The following SNX29 variants were observed in gnomAD, a reference collection of about 807,000 sequenced individuals.
SNX29 encodes sorting nexin-29.
A neutral mutation model predicts 102.1 loss-of-function variants in SNX29; 78 were observed. The observed-to-expected ratio is 0.76, with a 90% CI of 0.64 to 0.92. The LOEUF (loss-of-function observed/expected upper bound fraction) is 0.92, where lower values mean the gene tolerates loss of function less well. SNX29 is among the 40% of genes least tolerant of loss of function. SNX29 has a pLI of 0.00. For missense variants in SNX29, 1,280 were observed against 1,061.7 expected, an observed-to-expected ratio of 1.21 and a Z score of -2.86; for synonymous variants, 580 against 414.5, an observed-to-expected ratio of 1.40 and a Z score of -4.85.
At position 12,571,774 on chromosome 16, in the gene SNX29, C is replaced by CT. The variant is rs2079192806; in HGVS notation, c.*3147dup. On this transcript the variant is annotated 3_prime_UTR_variant, in exon 21 of 21. Transcript: ENST00000566228. The stretch of plus-strand genomic sequence containing the variant: ...ATCCACTCCTGATCTGAGACAGAAC[C>CT]TTCTCCGCCACTCTTCCTGCAATCA... The CT allele has an allele frequency of 9.9e-7, 1 of 1,008,394 alleles. No individual in the cohort carries two copies. The highest frequency in any genetic ancestry group is 1.7e-5 in the African/African-American group (1 of 59,636). The allele number at this position is 1,008,394 out of a possible 1,614,324, so 62.5% of individuals were successfully genotyped here.
At chr16:12,475,928 A>C (rs1331308825) in intron 18 of SNX29, among the ~76,000 whole-genome samples, 2 of 152,340 alleles carry the variant, frequency 1.3e-5, no homozygotes, top group East Asian at 3.9e-4. Context: ...AATTAGTATT[A>C]TGTATGATGA....
intron 15 of SNX29, among the ~76,000 whole-genome samples, chr16:12,291,134 T>C (rs944494231): frequency 4.6e-5 from 7 of 152,150 alleles, no homozygotes; most frequent in African/African-American, 7.2e-5. Flanking sequence ...CTCTCTTTAG[T>C]GCTTTCCTCT....
chr16:12,502,100 C>A (rs532172147), intron 19 of SNX29, among the ~76,000 whole-genome samples: 1 of 152,168 alleles, frequency 6.6e-6, no homozygotes, highest in Non-Finnish European at 1.5e-5. Context: ...GGACTGCCTC[C>A]GAGCTGGGCA....
intron 18 of SNX29, among the ~76,000 whole-genome samples, chr16:12,469,447 G>A (rs185158943): frequency 2.0e-5 from 3 of 152,332 alleles, no homozygotes; most frequent in Admixed American, 1.3e-4. Flanking sequence ...TATTGAGGAA[G>A]CAAAATGAAT....
intron 19 of SNX29, among the ~76,000 whole-genome samples, chr16:12,514,638 G>A (rs980890130): frequency 6.6e-6 from 1 of 152,180 alleles, no homozygotes; most frequent in African/African-American, 2.4e-5. Context: ...GCCAAGACGG[G>A]CAAATCACTT....
At chr16:12,020,208 C>T (rs1328006505) in intron 3 of SNX29, among the ~76,000 whole-genome samples, 2 of 151,870 alleles carry the variant, frequency 1.3e-5, no homozygotes, top group Non-Finnish European at 2.9e-5. Context: ...CTGTAGCCTC[C>T]GCTTCCTGGG....
Position 11,976,800 on chromosome 16 carries a change from A to G in SNX29, c.-7A>G. On this transcript the variant is annotated 5_prime_UTR_variant, in exon 1 of 21. Transcript: ENST00000566228. ...GCGGCGCAGGCACCGGCCCGGGGAG[A>G]GGCACCATGAGCGGTGAGTGGCGGC... is the stretch of plus-strand genomic sequence containing the variant. 7.3e-7 allele frequency: 1 copy of G among 1,376,868 alleles called. No individual in the cohort carries two copies. The highest frequency in any genetic ancestry group is 9.4e-7 in the Non-Finnish European group (1 of 1,064,512). The allele number at this position is 1,376,868 out of a possible 1,614,324, so 85.3% of individuals were successfully genotyped here. A position where few individuals can be genotyped will look rare whatever the true frequency, so the allele number is the denominator to read the frequency against.
At chr16:12,122,247 C>A (rs1053520809) in intron 11 of SNX29, among the ~76,000 whole-genome samples, 4 of 152,202 alleles carry the variant, frequency 2.6e-5, no homozygotes, top group Admixed American at 2.0e-4. Context: ...TCTGTCGCCA[C>A]CTTCCTTCGC....
chr16:12,322,527 TTATAA>T (rs1406535651), intron 15 of SNX29, among the ~76,000 whole-genome samples: 1 of 152,196 alleles, frequency 6.6e-6, no homozygotes, highest in Non-Finnish European at 1.5e-5. Context: ...CATAGATTCT[TTATAA>T]TATACAAAAC....
At chr16:12,497,574 A>C (rs1476762423) in intron 19 of SNX29, among the ~76,000 whole-genome samples, 1 of 152,248 alleles carries the variant, frequency 6.6e-6, no homozygotes, top group African/African-American at 2.4e-5. Flanking sequence ...TCGGGAGCTC[A>C]GTATCATCAG....
At chr16:12,540,225 C>T (rs1428294401) in intron 20 of SNX29, among the ~76,000 whole-genome samples, 1 of 152,142 alleles carries the variant, frequency 6.6e-6, no homozygotes, top group Non-Finnish European at 1.5e-5. Context: ...AACCTACTTC[C>T]TGTGGCTGAC....
chr16:12,561,771 A>G (rs1452540072), intron 20 of SNX29, among the ~76,000 whole-genome samples: 1 of 152,048 alleles, frequency 6.6e-6, no homozygotes, highest in Non-Finnish European at 1.5e-5. Flanking sequence ...ACACCAAAGC[A>G]CATGTCAGGA....
intron 14 of SNX29, among the ~76,000 whole-genome samples, chr16:12,269,841 CATCATCATCATCATCATCATT>C (rs927779029): frequency 7.6e-5 from 8 of 105,834 alleles, no homozygotes; most frequent in African/African-American, 2.8e-4. Flanking sequence ...TCATCACCAT[CATCATCATCATCATCATCATT>C]ATTATTATTA....
chr16:12,554,114 C>T (rs1388125651), intron 20 of SNX29, among the ~76,000 whole-genome samples: 1 of 152,228 alleles, frequency 6.6e-6, no homozygotes, highest in African/African-American at 2.4e-5. Flanking sequence ...AGGTCTAAGC[C>T]ACCATGCCCA....
At chr16:12,414,161 G>A (rs1416352607) in intron 18 of SNX29, among the ~76,000 whole-genome samples, 3 of 152,156 alleles carry the variant, frequency 2.0e-5, no homozygotes, top group East Asian at 3.9e-4. Context: ...ATCTGTGGTC[G>A]GTTGAATCTG....
At chr16:12,344,638 G>A (rs1156543146) in intron 15 of SNX29, among the ~76,000 whole-genome samples, 1 of 152,254 alleles carries the variant, frequency 6.6e-6, no homozygotes, top group East Asian at 1.9e-4. Context: ...ACACAAGGAT[G>A]GGGCTTAGGG....
chr16:12,517,618 G>A (rs1316428640), intron 19 of SNX29, among the ~76,000 whole-genome samples: 2 of 152,178 alleles, frequency 1.3e-5, no homozygotes, highest in African/African-American at 4.8e-5. Context: ...GAGCCTCTTG[G>A]GATCTCCAGG....
At chr16:12,119,164 C>T (rs1350305016) in intron 11 of SNX29, among the ~76,000 whole-genome samples, 1 of 152,200 alleles carries the variant, frequency 6.6e-6, no homozygotes, top group East Asian at 1.9e-4. Flanking sequence ...GGACTGGTGG[C>T]AGCCATGTCC....
At chr16:12,433,803 G>A (rs1051276428) in intron 18 of SNX29, among the ~76,000 whole-genome samples, 3 of 152,132 alleles carry the variant, frequency 2.0e-5, no homozygotes, top group Non-Finnish European at 2.9e-5. Flanking sequence ...CAGCCCAGGC[G>A]ACAGAGTGAG....
Sources: allele counts gnomAD v4.1 joint callset (sites outside exome capture counted in the v4.1 genomes callset), GRCh38; gene constraint gnomAD v4.1.1; transcripts MANE v1.5; gene names NCBI Gene and HGNC (gene_info 2026-07-23, HGNC 2026-07-21).